The following PCDH15 variants were observed in gnomAD, a reference collection of about 807,000 sequenced individuals.
The protein encoded by PCDH15 is protocadherin-15.
PCDH15 carries 129 observed loss-of-function variants against 178.5 expected under a neutral mutation model. The observed-to-expected ratio is 0.72, with a 90% CI of 0.63 to 0.84. The LOEUF (loss-of-function observed/expected upper bound fraction) is 0.84, where lower values mean the gene tolerates loss of function less well. Ranked by LOEUF, PCDH15 falls within the 40% of genes least tolerant of loss-of-function variation. PCDH15 has a pLI of 0.00. For missense variants in PCDH15, 2,230 were observed against 2,099.9 expected, an observed-to-expected ratio of 1.06 and a Z score of -1.21; for synonymous variants, 800 against 732.0, an observed-to-expected ratio of 1.09 and a Z score of -1.50.
At chr10:55,268,072 T>G (rs1424358684) in intron 1 of PCDH15, among the ~76,000 whole-genome samples, 1 of 152,208 alleles carries the variant, frequency 6.6e-6, no homozygotes, top group Admixed American at 6.5e-5. Context: ...TAACTCTCCC[T>G]CAAAGTATCA....
At chr10:54,819,209 T>G (rs1199938935) in intron 3 of PCDH15, among the ~76,000 whole-genome samples, 1 of 152,042 alleles carries the variant, frequency 6.6e-6, no homozygotes, top group Non-Finnish European at 1.5e-5. Context: ...GGTCCCATAT[T>G]ACATTTTAAA....
intron 3 of PCDH15, among the ~76,000 whole-genome samples, chr10:54,502,652 T>G (rs2080803734): frequency 6.6e-6 from 1 of 152,148 alleles, no homozygotes; most frequent in Non-Finnish European, 1.5e-5. Context: ...AAAATTCCAT[T>G]TGATATTTAG....
At chr10:54,548,505 G>A (rs1011750596) in intron 2 of PCDH15, among the ~76,000 whole-genome samples, 1 of 145,492 alleles carries the variant, frequency 6.9e-6, no homozygotes, top group Non-Finnish European at 1.5e-5. Flanking sequence ...ATTTTCCATG[G>A]TATATTATGG....
At chr10:54,823,227 G>C (rs113125546) in intron 3 of PCDH15, among the ~76,000 whole-genome samples, 2 of 65,272 alleles carry the variant, frequency 3.1e-5, no homozygotes, top group African/African-American at 5.9e-5. Flanking sequence ...ACACACACAC[G>C]CACACGCACA....
chr10:55,593,644 T>TA (rs1382386867), intron 2 of PCDH15, among the ~76,000 whole-genome samples: 2 of 151,894 alleles, frequency 1.3e-5, no homozygotes, highest in African/African-American at 4.8e-5. Flanking sequence ...AGCTTTTTTT[T>TA]TAACAGTATA....
chr10:55,131,758 G>A (rs1838051328), intron 2 of PCDH15, among the ~76,000 whole-genome samples: 2 of 151,954 alleles, frequency 1.3e-5, no homozygotes, highest in African/African-American at 4.8e-5. Context: ...GCCTGAGCAT[G>A]GTTGACTTTG....
intron 14 of PCDH15, among the ~76,000 whole-genome samples, chr10:54,135,699 T>C (rs1278406855): frequency 6.6e-6 from 1 of 152,218 alleles, no homozygotes; most frequent in African/African-American, 2.4e-5. Context: ...ACATTCTCTA[T>C]GCATAACAAG....
chr10:55,390,946 G>T (rs771112999), intron 2 of PCDH15, among the ~76,000 whole-genome samples: 1 of 152,256 alleles, frequency 6.6e-6, no homozygotes. Context: ...TAAGGACCCT[G>T]GATTTTCAGA....
At chr10:55,186,606 A>T (rs1839805825) in intron 1 of PCDH15, among the ~76,000 whole-genome samples, 1 of 151,754 alleles carries the variant, frequency 6.6e-6, no homozygotes. Context: ...AGCTGCTAGT[A>T]AACATTTTCC....
At chr10:55,484,122 C>T (rs1840246248) in intron 2 of PCDH15, among the ~76,000 whole-genome samples, 1 of 151,526 alleles carries the variant, frequency 6.6e-6, no homozygotes, top group Non-Finnish European at 1.5e-5. Flanking sequence ...GGGAACAACA[C>T]ACGCTGGGGC....
intron 21 of PCDH15, among the ~76,000 whole-genome samples, chr10:53,964,874 AGACATCGTAG>A (rs1214880031): frequency 6.6e-6 from 1 of 152,166 alleles, no homozygotes; most frequent in African/African-American, 2.4e-5. Context: ...GTTTAGCAGA[AGACATCGTAG>A]GACTTGGGGC....
intron 2 of PCDH15, among the ~76,000 whole-genome samples, chr10:54,557,035 C>T (rs188172276): frequency 6.6e-6 from 1 of 152,022 alleles, no homozygotes; most frequent in Non-Finnish European, 1.5e-5. Flanking sequence ...TCTTTAAAGA[C>T]TATTCATCTT....
chr10:55,146,646 A>G (rs1246840991), intron 2 of PCDH15, among the ~76,000 whole-genome samples: 3 of 151,960 alleles, frequency 2.0e-5, no homozygotes, highest in Admixed American at 2.0e-4. Context: ...ATAAGCACCA[A>G]AAGATTACAT....
At chr10:53,973,194 G>A (rs1386461245) in intron 21 of PCDH15, among the ~76,000 whole-genome samples, 1 of 150,376 alleles carries the variant, frequency 6.6e-6, no homozygotes, top group Non-Finnish European at 1.5e-5. Context: ...TGCAAGGACA[G>A]ATAACCAAAC....
chr10:54,495,963 CTG>C (rs2080074352), intron 3 of PCDH15, among the ~76,000 whole-genome samples: 2 of 152,138 alleles, frequency 1.3e-5, no homozygotes, highest in Non-Finnish European at 2.9e-5. Flanking sequence ...GAATAGGACT[CTG>C]TTTCAGATAA....
chr10:54,719,986 A>G (rs1941311402), intron 1 of PCDH15, among the ~76,000 whole-genome samples: 1 of 152,038 alleles, frequency 6.6e-6, no homozygotes, highest in Admixed American at 6.6e-5. Context: ...AATCAAAACC[A>G]CAATGAGATA....
chr10:54,058,678 ATTTC>A (rs906282782), intron 18 of PCDH15, among the ~76,000 whole-genome samples: 20 of 150,126 alleles, frequency 1.3e-4, no homozygotes, highest in South Asian at 2.1e-4. Context: ...ATTAGAACAT[ATTTC>A]TTTCTTTCTT....
chr10:54,262,884 C>T (rs191306698), intron 8 of PCDH15, among the ~76,000 whole-genome samples: 5 of 152,204 alleles, frequency 3.3e-5, no homozygotes, highest in African/African-American at 4.8e-5. Context: ...TTGGGCTTGC[C>T]GCCAGGGCGA....
chr10:54,825,143 G>A (rs1455561003), intron 3 of PCDH15, among the ~76,000 whole-genome samples: 4 of 151,870 alleles, frequency 2.6e-5, no homozygotes, highest in African/African-American at 4.8e-5. Flanking sequence ...TTGTCCTTGC[G>A]ATAGTTTGCT....
Sources: gnomAD v4.1 joint callset for allele counts (sites outside exome capture counted in the v4.1 genomes callset) on GRCh38, gnomAD v4.1.1 for gene constraint, MANE v1.5 for transcripts, NCBI Gene and HGNC (gene_info 2026-07-23, HGNC 2026-07-21) for gene names.